GRM7: variants seen among roughly 807,000 people sequenced by gnomAD.
GRM7 encodes the protein metabotropic glutamate receptor 7.
Under a neutral mutation model 84.5 loss-of-function variants are expected in GRM7, and 35 were observed. The ratio of observed to expected loss-of-function variants is 0.41; its 90% CI spans 0.32 to 0.55. The LOEUF is 0.55. GRM7 is among the 20% of genes least tolerant of loss of function. The pLI is 0.19. For missense variants in GRM7, 1,003 were observed against 1,194.6 expected, an observed-to-expected ratio of 0.84 and a Z score of 2.36; for synonymous variants, 487 against 455.1, an observed-to-expected ratio of 1.07 and a Z score of -0.89.
intron 1 of GRM7, among the ~76,000 whole-genome samples, chr3:6,877,521 G>A (rs528009127): frequency 3.3e-5 from 5 of 152,250 alleles, no homozygotes; most frequent in African/African-American, 1.2e-4. Flanking sequence ...CCAAGCAAGG[G>A]CCTTCTCATC....
At position 7,414,158 on chromosome 3, in the gene GRM7, A is replaced by G. The variant is rs139981626; in HGVS notation, c.1034-865A>G. ...TTCCATTTTTATGGCCTTACAGGTA[A>G]GGGAAAACTTTGAATAATTTAAGTA... On this transcript the variant is annotated intron_variant, in intron 4 of 9. Transcript: ENST00000357716. Among the ~76,000 whole-genome samples the G allele has an allele frequency of 3.5e-4, 54 of 152,302 alleles. 2 individuals carry two copies. The East Asian group carries it at 0.01, about 29-fold the overall frequency.
At chr3:7,706,106 C>A in intron 9 of GRM7, among the ~76,000 whole-genome samples, 1 of 152,178 alleles carries the variant, frequency 6.6e-6, no homozygotes, top group East Asian at 1.9e-4. Flanking sequence ...ATAAATCCCA[C>A]TGACTTGAAC....
At chr3:6,955,467 T>C (rs987814740) in intron 1 of GRM7, among the ~76,000 whole-genome samples, 3 of 150,968 alleles carry the variant, frequency 2.0e-5, no homozygotes, top group African/African-American at 7.3e-5. Context: ...AACCTGGAAG[T>C]TAGAGGTTGC....
chr3:7,047,998 A>G (rs1236837626), intron 1 of GRM7, among the ~76,000 whole-genome samples: 2 of 152,016 alleles, frequency 1.3e-5, no homozygotes, highest in Non-Finnish European at 2.9e-5. Flanking sequence ...TTTTGATGTT[A>G]AATAACTTCC....
At chr3:6,988,449 A>T (rs192207245) in intron 1 of GRM7, among the ~76,000 whole-genome samples, 5 of 152,250 alleles carry the variant, frequency 3.3e-5, no homozygotes, top group Admixed American at 3.3e-4. Context: ...TAAGGGCATT[A>T]TCTTTCTCAG....
chr3:7,405,678 A>G (rs1173370118), intron 4 of GRM7, among the ~76,000 whole-genome samples: 1 of 152,206 alleles, frequency 6.6e-6, no homozygotes, highest in African/African-American at 2.4e-5. Context: ...TTTGCAAAAG[A>G]CTGAATATTC....
intron 4 of GRM7, among the ~76,000 whole-genome samples, chr3:7,320,692 G>A (rs889727195): frequency 2.3e-4 from 35 of 149,466 alleles, no homozygotes; most frequent in African/African-American, 8.8e-4. Flanking sequence ...GTGTGTGTGT[G>A]TGTGTGTGTG....
chr3:7,662,304 A>G (rs886597477), intron 8 of GRM7, among the ~76,000 whole-genome samples: 8 of 152,358 alleles, frequency 5.3e-5, no homozygotes, highest in Admixed American at 3.3e-4. Context: ...GCTGATAACT[A>G]TCTTGACTAT....
chr3:6,910,782 A>G (rs1696741628), intron 1 of GRM7, among the ~76,000 whole-genome samples: 1 of 152,136 alleles, frequency 6.6e-6, no homozygotes, highest in Non-Finnish European at 1.5e-5. Flanking sequence ...ATTCTCTAGG[A>G]CACAGTTGAA....
chr3:7,055,282 A>C (rs1297921915), intron 1 of GRM7, among the ~76,000 whole-genome samples: 1 of 151,632 alleles, frequency 6.6e-6, no homozygotes, highest in Non-Finnish European at 1.5e-5. Context: ...CAAGACTGTT[A>C]ATACCAATAA....
At chr3:6,874,540 C>A (rs1695236066) in intron 1 of GRM7, among the ~76,000 whole-genome samples, 2 of 152,146 alleles carry the variant, frequency 1.3e-5, no homozygotes, top group Admixed American at 1.3e-4. Flanking sequence ...TTTTCTTCTC[C>A]CACTCGGGTA....
chr3:6,949,922 C>T (rs1240079693), intron 1 of GRM7, among the ~76,000 whole-genome samples: 1 of 152,156 alleles, frequency 6.6e-6, no homozygotes, highest in Non-Finnish European at 1.5e-5. Flanking sequence ...CCTTTAACGA[C>T]TTCTCTGCAT....
intron 7 of GRM7, among the ~76,000 whole-genome samples, chr3:7,556,903 C>T (rs1693791263): frequency 6.6e-6 from 1 of 152,130 alleles, no homozygotes; most frequent in African/African-American, 2.4e-5. Context: ...CTGTAAAGCT[C>T]AGCTATGGTA....
chr3:7,546,135 T>C (rs940097869), intron 7 of GRM7, among the ~76,000 whole-genome samples: 2 of 152,200 alleles, frequency 1.3e-5, no homozygotes, highest in African/African-American at 4.8e-5. Flanking sequence ...GGAGTCTAAA[T>C]TCAGAAAACG....
At chr3:7,675,141 A>G (rs1246693163) in intron 8 of GRM7, among the ~76,000 whole-genome samples, 1 of 152,240 alleles carries the variant, frequency 6.6e-6, no homozygotes, top group Non-Finnish European at 1.5e-5. Context: ...AGACATCAAT[A>G]GTAATAAGAT....
At position 7,570,791 on chromosome 3, in the gene GRM7, C is replaced by A. The variant is rs73116064; in HGVS notation, c.1516-7631C>A. ...GGGGCTCTCACCCCACATTTCCCTTCCGCACTGCTCTAGCAGATGTTCTCC... is the reference window on the plus strand; with the variant it reads ...GGGGCTCTCACCCCACATTTCCCTTACGCACTGCTCTAGCAGATGTTCTCC... On this transcript the variant is annotated intron_variant, in intron 7 of 9. Transcript: ENST00000357716. Among the ~76,000 whole-genome samples, 1,428 of 152,346 alleles carry A rather than the reference C, an allele frequency of 9.4e-3. 25 individuals carry two copies. Among genetic ancestry groups the A allele is most frequent in the African/African-American group, 0.031 (1,302 of 41,578 alleles).
At chr3:7,453,878 A>C (rs1411696632) in intron 6 of GRM7, among the ~76,000 whole-genome samples, 1 of 152,130 alleles carries the variant, frequency 6.6e-6, no homozygotes, top group African/African-American at 2.4e-5. Context: ...TTCTTCCTCC[A>C]GGATATGGGG....
intron 1 of GRM7, among the ~76,000 whole-genome samples, chr3:7,004,942 C>A (rs1413162280): frequency 6.6e-6 from 1 of 152,170 alleles, no homozygotes. Context: ...AGGCTGCTGG[C>A]TGGACTTGTG....
intron 1 of GRM7, among the ~76,000 whole-genome samples, chr3:6,930,492 C>A (rs529822059): frequency 6.6e-6 from 1 of 152,004 alleles, no homozygotes; most frequent in South Asian, 2.1e-4. Context: ...AAGAACTAAG[C>A]CTTTATAATT....
Sources: gnomAD v4.1 joint callset for allele counts (sites outside exome capture counted in the v4.1 genomes callset) on GRCh38, gnomAD v4.1.1 for gene constraint, MANE v1.5 for transcripts, NCBI Gene and HGNC (gene_info 2026-07-23, HGNC 2026-07-21) for gene names.